The following PKHD1 variants were observed in gnomAD, a reference collection of about 807,000 sequenced individuals.
PKHD1 encodes the protein PKHD1 ciliary IPT domain containing fibrocystin/polyductin, also known as fibrocystin.
PKHD1 carries 291 observed loss-of-function variants against 412.0 expected under a neutral mutation model. That is an observed-to-expected ratio of 0.71 (90% CI 0.64 to 0.78). PKHD1 has a LOEUF of 0.78. PKHD1 is among the 30% of genes least tolerant of loss of function. The pLI, the probability that PKHD1 is intolerant of heterozygous loss-of-function variation, is 0.00. For missense variants in PKHD1, 4,825 were observed against 4,950.7 expected (o/e 0.97, Z 0.76); for synonymous variants, 1,777 against 1,821.5 (o/e 0.98, Z 0.62).
chr6:51,756,702 T>C (rs1787071638), intron 55 of PKHD1, among the ~76,000 whole-genome samples: 1 of 152,168 alleles, frequency 6.6e-6, no homozygotes, highest in Non-Finnish European at 1.5e-5. Context: ...AGCCTACCTA[T>C]GGATGGTGGG....
At chr6:51,819,699 C>A (rs1294401661) in intron 52 of PKHD1, among the ~76,000 whole-genome samples, 3 of 152,128 alleles carry the variant, frequency 2.0e-5, no homozygotes, top group African/African-American at 7.2e-5. Context: ...AGTTATGCAC[C>A]CAGTAAATAG....
Position 51,659,483 on chromosome 6 carries a change from T to C in PKHD1, c.10643A>G (p.Gln3548Arg), listed in dbSNP as rs781344865. The C allele has an allele frequency of 6.2e-7, 1 of 1,613,518 alleles. No homozygotes were observed. The highest frequency in any genetic ancestry group is 1.3e-5 in the African/African-American group (1 of 74,882). ...GCGTATTTCAATGGGCTCCTCTCCT[T>C]GTAGGACAACATACAAGAGGTTATC... Reference protein sequence around the residue: ...IMDNLLYVVLQGEEPIEIRSG... With the variant: ...IMDNLLYVVLRGEEPIEIRSG... The change falls in exon 61 of 67, where the codon CAA (glutamine) becomes CGA (arginine). Residue 3548 changes from glutamine (Q) to arginine (R), a missense_variant. Gln to Arg is a conservative substitution (Grantham distance 43). Coordinates refer to ENST00000371117, the MANE Select transcript of PKHD1 (RefSeq NM_138694.4).
At chr6:51,936,522 T>C (rs1306478909) in intron 36 of PKHD1, among the ~76,000 whole-genome samples, 1 of 152,188 alleles carries the variant, frequency 6.6e-6, no homozygotes, top group Non-Finnish European at 1.5e-5. Flanking sequence ...TAGTTAAACA[T>C]GCACTGGAGA....
At chr6:51,903,049 G>A (rs570083593) in intron 43 of PKHD1, among the ~76,000 whole-genome samples, 1 of 152,226 alleles carries the variant, frequency 6.6e-6, no homozygotes, top group South Asian at 2.1e-4. Context: ...TCAGCACCCA[G>A]AGTTGGTAGT....
intron 7 of PKHD1, among the ~76,000 whole-genome samples, chr6:52,072,837 C>T (rs1810832740): frequency 6.6e-6 from 1 of 152,142 alleles, no homozygotes; most frequent in Non-Finnish European, 1.5e-5. Flanking sequence ...AGTACAATTG[C>T]TTCATTTGTT....
intron 36 of PKHD1, among the ~76,000 whole-genome samples, chr6:51,944,570 T>C (rs759957275): frequency 2.6e-5 from 4 of 152,136 alleles, no homozygotes; most frequent in African/African-American, 9.7e-5. Flanking sequence ...CAAGGACTGT[T>C]TTCCATACCC....
rs144413186 is a variant in PKHD1 at position 51,698,722 on chromosome 6, A to T, written c.10157-38753T>A. 9.6e-3 allele frequency among the ~76,000 whole-genome samples: 1,460 copies of T among 152,286 alleles called. 21 individuals are homozygous for T. The highest frequency in any genetic ancestry group is 0.033 in the African/African-American group (1,377 of 41,572). ...TATGTATGTCGCTTAAAGCAAGTCT[A>T]TTTCTAACATAACACATTTCTAATC... On this transcript the variant is annotated intron_variant, in intron 60 of 66. Coordinates refer to ENST00000371117, the MANE Select transcript of PKHD1 (RefSeq NM_138694.4).
intron 36 of PKHD1, 146 bp from the exon 37 acceptor site, chr6:51,934,468 A>C: frequency 1.5e-6 from 1 of 688,562 alleles, no homozygotes; most frequent in Non-Finnish European, 2.6e-6. Context: ...GTAGAAGCAC[A>C]GTAGGGTAGA....
chr6:51,793,124 A>G (rs968216788), intron 52 of PKHD1, among the ~76,000 whole-genome samples: 1 of 152,224 alleles, frequency 6.6e-6, no homozygotes, highest in East Asian at 1.9e-4. Flanking sequence ...TCAAGAGCTC[A>G]TTGATGACTG....
At chr6:51,647,232 T>G (rs188825637) in intron 63 of PKHD1, among the ~76,000 whole-genome samples, 81 of 152,328 alleles carry the variant, frequency 5.3e-4, no homozygotes, top group Non-Finnish European at 9.1e-4. Context: ...TTGAGTAGGT[T>G]GTATTTCAAC....
intron 1 of PKHD1, among the ~76,000 whole-genome samples, chr6:52,086,672 T>C (rs1812846705): frequency 6.6e-6 from 1 of 152,218 alleles, no homozygotes; most frequent in Admixed American, 6.5e-5. Flanking sequence ...AAACAATCTA[T>C]GTACCTGCCC....
intron 57 of PKHD1, among the ~76,000 whole-genome samples, chr6:51,752,692 C>T (rs925680667): frequency 3.3e-5 from 5 of 152,072 alleles, no homozygotes; most frequent in Admixed American, 6.6e-5. Context: ...GTTTAAGAAA[C>T]GAGGTCCTAA....
intron 35 of PKHD1, among the ~76,000 whole-genome samples, chr6:51,982,821 TAATAATA>T (rs1482262258): frequency 1.6e-4 from 18 of 115,670 alleles, no homozygotes; most frequent in East Asian, 2.9e-4. Context: ...AAAAAAATAA[TAATAATA>T]AATAAAAAAT....
At chr6:51,713,958 C>G (rs1780944626) in intron 60 of PKHD1, among the ~76,000 whole-genome samples, 1 of 152,132 alleles carries the variant, frequency 6.6e-6, no homozygotes, top group African/African-American at 2.4e-5. Context: ...TCAGACAATT[C>G]CTGTCTATCT....
intron 37 of PKHD1, among the ~76,000 whole-genome samples, chr6:51,921,805 G>A (rs919483805): frequency 2.0e-5 from 3 of 152,130 alleles, no homozygotes; most frequent in Non-Finnish European, 4.4e-5. Context: ...TCTCTATGCT[G>A]TTTATTCTAG....
chr6:51,943,859 C>T lies in PKHD1; in HGVS notation c.5909-9537G>A, dbSNP rs1056658297. Reference sequence around the variant, plus strand: ...TAGGTTTCCATGCCGCCCCTAATCCCGCTCGAAGCAGCCCTGAGAAACATC... The same window carrying T: ...TAGGTTTCCATGCCGCCCCTAATCCTGCTCGAAGCAGCCCTGAGAAACATC... On this transcript the variant is annotated intron_variant, in intron 36 of 66. Transcript: ENST00000371117. Among the ~76,000 whole-genome samples, 10 of 151,484 alleles carry T rather than the reference C, an allele frequency of 6.6e-5. 1 individual carries two copies. Among genetic ancestry groups the T allele is most frequent in the South Asian group, 2.1e-4 (1 of 4,814 alleles).
chr6:51,923,865 T>G lies in PKHD1; in HGVS notation c.6121+10245A>C, dbSNP rs117275929. ...CTGCCACAAGTAAATACCAGCTATG[T>G]GTACACAAAATAGAAGCGAGGCCAT... On this transcript the variant is annotated intron_variant, in intron 37 of 66. Transcript: ENST00000371117. 1.5e-3 allele frequency among the ~76,000 whole-genome samples: 228 copies of G among 152,276 alleles called. 4 individuals carry two copies. The East Asian group carries it at 0.036, about 24-fold the overall frequency.
chr6:51,889,860 G>C (rs1013660248), intron 43 of PKHD1, among the ~76,000 whole-genome samples: 1 of 152,154 alleles, frequency 6.6e-6, no homozygotes, highest in South Asian at 2.1e-4. Context: ...GAGTTGCTTT[G>C]GGAACCCACT....
At chr6:52,063,367 T>C (rs572792300) in intron 13 of PKHD1, among the ~76,000 whole-genome samples, 77 of 152,158 alleles carry the variant, frequency 5.1e-4, no homozygotes, top group Non-Finnish European at 9.3e-4. Context: ...CATTTTCTCA[T>C]GCATCAAAAT....
Sources: gnomAD v4.1 joint callset for allele counts (sites outside exome capture counted in the v4.1 genomes callset) on GRCh38, gnomAD v4.1.1 for gene constraint, MANE v1.5 for transcripts, NCBI Gene and HGNC (gene_info 2026-07-23, HGNC 2026-07-21) for gene names.